FKBP1B: variants seen among roughly 807,000 people sequenced by gnomAD.
FKBP1B encodes the protein peptidyl-prolyl cis-trans isomerase FKBP1B.
FKBP1B carries 4 observed loss-of-function variants against 13.5 expected under a neutral mutation model. That is an observed-to-expected ratio of 0.30 (90% CI 0.15 to 0.68). The LOEUF (loss-of-function observed/expected upper bound fraction) is 0.68. Among genes scored for constraint, FKBP1B ranks in the 30% least tolerant of loss-of-function variants. The pLI is 0.76. For missense variants in FKBP1B, 93 were observed against 136.2 expected, an observed-to-expected ratio of 0.68 and a Z score of 1.58; for synonymous variants, 54 against 53.6, an observed-to-expected ratio of 1.01 and a Z score of -0.03.
intron 1 of FKBP1B, 116 bp from the exon 2 acceptor site, chr2:24,053,786 C>T (rs2150963084): frequency 2.1e-6 from 2 of 953,162 alleles, no homozygotes; most frequent in Non-Finnish European, 3.4e-6. Flanking sequence ...GGGCCACAGG[C>T]ATCTCCATGG....
chr2:24,042,513 G>GT, the FKBP1B span, among the ~76,000 whole-genome samples: 1 of 141,722 alleles, frequency 7.1e-6, no homozygotes, highest in Non-Finnish European at 1.5e-5. Flanking sequence ...TCCAGCCTGG[G>GT]TGACAGAGCA....
intron 2 of FKBP1B, among the ~76,000 whole-genome samples, chr2:24,056,624 A>G (rs1039102446): frequency 2.6e-5 from 4 of 151,874 alleles, no homozygotes; most frequent in Non-Finnish European, 5.9e-5. Context: ...TCATGTGCCT[A>G]CTGGCCATTT....
the FKBP1B span, chr2:24,039,482 T>G: frequency 6.2e-7 from 1 of 1,611,052 alleles, no homozygotes; most frequent in Non-Finnish European, 8.5e-7. Flanking sequence ...AGTTTTCCTT[T>G]TCCCAACTCC....
chr2:24,063,483 A>C lies in FKBP1B; in HGVS notation c.*291A>C. On this transcript the variant is annotated 3_prime_UTR_variant, in exon 4 of 4. Transcript: ENST00000380986. Reference sequence around the variant, plus strand: ...GACAGAACACAGATCTCTTGTTCGCACAATCTACACTGCCTTACCTTCACT... The same window carrying C: ...GACAGAACACAGATCTCTTGTTCGCCCAATCTACACTGCCTTACCTTCACT... 2 of 332,942 alleles carry C rather than the reference A, an allele frequency of 6.0e-6. No homozygotes were observed. Among genetic ancestry groups the C allele is most frequent in the South Asian group, 8.7e-5 (1 of 11,550 alleles). The allele number at this position is 332,942 out of a possible 1,614,324, so 20.6% of individuals were successfully genotyped here. A position where few individuals can be genotyped will look rare whatever the true frequency, so the allele number is the denominator to read the frequency against.
intron 2 of FKBP1B, among the ~76,000 whole-genome samples, chr2:24,058,546 G>T (rs1664240289): frequency 6.6e-6 from 1 of 152,208 alleles, no homozygotes; most frequent in Non-Finnish European, 1.5e-5. Flanking sequence ...AGTAGATTAA[G>T]TCACATGAAA....
At chr2:24,056,178 C>T (rs997768839) in intron 2 of FKBP1B, among the ~76,000 whole-genome samples, 3 of 151,148 alleles carry the variant, frequency 2.0e-5, no homozygotes, top group Admixed American at 6.6e-5. Flanking sequence ...CTAGTAGAGA[C>T]GGTGTTTCAC....
the FKBP1B span, among the ~76,000 whole-genome samples, chr2:24,034,721 G>C: frequency 1.3e-5 from 2 of 151,836 alleles, no homozygotes; most frequent in Non-Finnish European, 2.9e-5. Context: ...AAACAGGTGG[G>C]TGCCATCACG....
the FKBP1B span, chr2:24,038,038 C>T: frequency 1.9e-6 from 3 of 1,614,046 alleles, no homozygotes; most frequent in African/African-American, 4.0e-5. Flanking sequence ...TCCATTCTGA[C>T]TACTGGTATT....
At chr2:24,045,995 A>C (rs1663613631), upstream of FKBP1B, 1 of 151,978 alleles carries the variant, frequency 6.6e-6, no homozygotes. Flanking sequence ...AGCGTCCCAC[A>C]CCTGCAGTCC....
At chr2:24,037,457 C>T in the FKBP1B span, among the ~76,000 whole-genome samples, 1 of 152,268 alleles carries the variant, frequency 6.6e-6, no homozygotes, top group Admixed American at 6.5e-5. Context: ...ACGTCATGCA[C>T]CTGATAAAAT....
rs376738842 is a variant in FKBP1B, at chr2:24,059,965, C to T, written c.86-849C>T. ...TGAGAAAGGTATGACCTGAAAAGGA[C>T]ACAGAGGGAAGGGAAGGAAGGGGAG... On this transcript the variant is annotated intron_variant, in intron 2 of 3. Coordinates refer to ENST00000380986, the MANE Select transcript of FKBP1B (RefSeq NM_004116.5). Among the ~76,000 whole-genome samples, 16 of 142,420 alleles carry T rather than the reference C, an allele frequency of 1.1e-4. No homozygotes were observed. The South Asian group carries it at 3.4e-3, about 30-fold the overall frequency. 93.4% of individuals were successfully genotyped at this position (142,420 alleles called of 152,430 possible).
At chr2:24,036,105 T>TAAATAAATAAAA in the FKBP1B span, among the ~76,000 whole-genome samples, 22 of 145,822 alleles carry the variant, frequency 1.5e-4, 1 homozygote, top group African/African-American at 4.2e-4. Flanking sequence ...AATAAATAAA[T>TAAATAAATAAAA]AAAATAAAAT....
chr2:24,061,254 CAGG>C (rs1393855672), intron 3 of FKBP1B, among the ~76,000 whole-genome samples: 1 of 152,130 alleles, frequency 6.6e-6, no homozygotes, highest in Non-Finnish European at 1.5e-5. Flanking sequence ...CAGTTGAGGC[CAGG>C]AGTTCAAGAC....
At chr2:24,053,007 A>G (rs898489355) in intron 1 of FKBP1B, among the ~76,000 whole-genome samples, 1 of 151,826 alleles carries the variant, frequency 6.6e-6, no homozygotes, top group Non-Finnish European at 1.5e-5. Flanking sequence ...AAGAACAGGG[A>G]TAGAGATCTT....
chr2:24,052,491 T>C (rs1663925811), intron 1 of FKBP1B, among the ~76,000 whole-genome samples: 1 of 152,160 alleles, frequency 6.6e-6, no homozygotes, highest in Non-Finnish European at 1.5e-5. Context: ...AGTATTTTGC[T>C]CATCCTTCAA....
the FKBP1B span, among the ~76,000 whole-genome samples, chr2:24,042,307 G>A: frequency 6.6e-6 from 1 of 152,184 alleles, no homozygotes; most frequent in East Asian, 1.9e-4. Context: ...GGAGGCCGAG[G>A]CAGGCGGATC....
intron 2 of FKBP1B, among the ~76,000 whole-genome samples, chr2:24,060,564 A>G (rs1664342656): frequency 6.6e-6 from 1 of 152,128 alleles, no homozygotes; most frequent in Non-Finnish European, 1.5e-5. Context: ...ATAAATAAAT[A>G]AATAAATAAA....
At chr2:24,034,413 C>G in the FKBP1B span, among the ~76,000 whole-genome samples, 1 of 152,072 alleles carries the variant, frequency 6.6e-6, no homozygotes, top group Middle Eastern at 3.4e-3. Context: ...AAGCAAAGCT[C>G]TATCTAAAAA....
the FKBP1B span, among the ~76,000 whole-genome samples, chr2:24,035,577 A>ACTTTT: frequency 6.6e-6 from 1 of 152,100 alleles, no homozygotes; most frequent in Non-Finnish European, 1.5e-5. Context: ...TAGGAAAGAA[A>ACTTTT]TCCAAACCAG....
Sources: allele counts gnomAD v4.1 joint callset (sites outside exome capture counted in the v4.1 genomes callset), GRCh38; gene constraint gnomAD v4.1.1; transcripts MANE v1.5; gene names NCBI Gene and HGNC (gene_info 2026-07-23, HGNC 2026-07-21).